The following PLXNA2 variants were observed in gnomAD, a reference collection of about 807,000 sequenced individuals.
The protein encoded by PLXNA2 is plexin A2.
In PLXNA2, 91 loss-of-function variants were observed where a neutral mutation model predicts 193.5. That is an observed-to-expected ratio of 0.47 (90% CI 0.40 to 0.56). The LOEUF is 0.56. Among genes scored for constraint, PLXNA2 ranks in the 20% least tolerant of loss-of-function variants. The pLI is 0.00. For synonymous variants in PLXNA2, 997 were observed against 1,027.3 expected (o/e 0.97, Z 0.56); for missense variants, 1,995 against 2,503.2 (o/e 0.80, Z 4.33).
At chr1:208,203,408 C>A (rs899600618) in intron 3 of PLXNA2, among the ~76,000 whole-genome samples, 1 of 152,156 alleles carries the variant, frequency 6.6e-6, no homozygotes, top group African/African-American at 2.4e-5. Flanking sequence ...ATCAGATGGG[C>A]GGTCTCAGGT....
At chr1:208,051,574 G>T (rs77558262) in intron 15 of PLXNA2, 151 bp from the exon 16 acceptor site, 2 of 628,614 alleles carry the variant, frequency 3.2e-6, no homozygotes, top group African/African-American at 1.9e-5. Context: ...AACACATCCC[G>T]CATCAGTATA....
chr1:208,031,971 T>C (rs1456927448), intron 28 of PLXNA2: 11 of 984,706 alleles, frequency 1.1e-5, no homozygotes. Flanking sequence ...GAAGAATCTC[T>C]CCTCCAACCT....
chr1:208,211,658 A>C (rs1433451579), intron 2 of PLXNA2, among the ~76,000 whole-genome samples: 1 of 149,368 alleles, frequency 6.7e-6, no homozygotes, highest in Non-Finnish European at 1.5e-5. Context: ...GCGCCACTGC[A>C]CTCCAGCCTG....
intron 5 of PLXNA2, among the ~76,000 whole-genome samples, chr1:208,100,485 T>C (rs572157812): frequency 8.5e-5 from 13 of 152,158 alleles, no homozygotes; most frequent in Middle Eastern, 6.8e-3. Context: ...GCCCTTATAA[T>C]ATTAATATTA....
intron 12 of PLXNA2, among the ~76,000 whole-genome samples, chr1:208,070,753 T>C (rs1665951839): frequency 6.6e-6 from 1 of 152,240 alleles, no homozygotes; most frequent in Non-Finnish European, 1.5e-5. Flanking sequence ...CTAATGACAA[T>C]ACTAACTTCT....
At chr1:208,041,535 A>T (rs1664869062) in intron 22 of PLXNA2, among the ~76,000 whole-genome samples, 1 of 152,192 alleles carries the variant, frequency 6.6e-6, no homozygotes, top group South Asian at 2.1e-4. Flanking sequence ...CTTCTGCGAT[A>T]ATGGGAATGT....
intron 4 of PLXNA2, among the ~76,000 whole-genome samples, chr1:208,135,894 C>T (rs935419528): frequency 1.4e-4 from 21 of 152,158 alleles, no homozygotes; most frequent in Middle Eastern, 3.2e-3. Context: ...AGACCGACTG[C>T]GTGACTGCCA....
At chr1:208,136,622 C>T (rs528103939) in intron 4 of PLXNA2, among the ~76,000 whole-genome samples, 48 of 152,254 alleles carry the variant, frequency 3.2e-4, no homozygotes, top group African/African-American at 1.1e-3. Flanking sequence ...TTGAGGGGAG[C>T]GGGACTGTTT....
At chr1:208,199,836 G>C (rs1222223023) in intron 3 of PLXNA2, among the ~76,000 whole-genome samples, 2 of 152,200 alleles carry the variant, frequency 1.3e-5, no homozygotes, top group Non-Finnish European at 2.9e-5. Flanking sequence ...CTAGGCCTCA[G>C]CTAACTCATT....
At chr1:208,130,708 G>A (rs3811390) in intron 4 of PLXNA2, among the ~76,000 whole-genome samples, 11,437 of 151,956 alleles carry the variant, frequency 0.075, 523 homozygotes, top group East Asian at 0.16. Context: ...ACTCCTCCCC[G>A]GCCACTCTCC....
intron 12 of PLXNA2, among the ~76,000 whole-genome samples, chr1:208,071,953 CCAAA>C (rs1227018755): frequency 6.6e-6 from 1 of 152,134 alleles, no homozygotes; most frequent in African/African-American, 2.4e-5. Context: ...CCACAGTTTC[CCAAA>C]CAGTTTCACA....
intron 3 of PLXNA2, among the ~76,000 whole-genome samples, chr1:208,194,978 C>T (rs1211102638): frequency 6.6e-6 from 1 of 152,126 alleles, no homozygotes; most frequent in Non-Finnish European, 1.5e-5. Flanking sequence ...AGAGTCCACG[C>T]TGAAGTTTTA....
chr1:208,184,233 G>A (rs1042584914), intron 3 of PLXNA2, among the ~76,000 whole-genome samples: 1 of 152,094 alleles, frequency 6.6e-6, no homozygotes, highest in Non-Finnish European at 1.5e-5. Flanking sequence ...GGGAAGGGAC[G>A]GGTAAGAATG....
intron 3 of PLXNA2, among the ~76,000 whole-genome samples, chr1:208,157,853 G>A (rs1668985861): frequency 6.6e-6 from 1 of 152,190 alleles, no homozygotes; most frequent in South Asian, 2.1e-4. Flanking sequence ...TGCTTTTCTG[G>A]CCAAGAGATT....
chr1:208,219,945 C>G (rs765379409), intron 1 of PLXNA2, among the ~76,000 whole-genome samples: 3 of 152,182 alleles, frequency 2.0e-5, no homozygotes, highest in Non-Finnish European at 2.9e-5. Context: ...GTCCTGAGGC[C>G]GGTAGCAGGA....
chr1:208,209,600 G>T (rs1207044735), intron 3 of PLXNA2, among the ~76,000 whole-genome samples: 1 of 152,182 alleles, frequency 6.6e-6, no homozygotes, highest in African/African-American at 2.4e-5. Flanking sequence ...TGCACAAGAG[G>T]CCTCCCATGC....
chr1:208,177,403 G>T (rs1669690852), intron 3 of PLXNA2, among the ~76,000 whole-genome samples: 1 of 152,092 alleles, frequency 6.6e-6, no homozygotes, highest in Non-Finnish European at 1.5e-5. Context: ...CTGTGTCTCT[G>T]TTGCTTCATT....
At chr1:208,196,717 G>A (rs764223914) in intron 3 of PLXNA2, among the ~76,000 whole-genome samples, 1 of 152,174 alleles carries the variant, frequency 6.6e-6, no homozygotes, top group Non-Finnish European at 1.5e-5. Context: ...TAGCGGGTGG[G>A]GAGAAAAAGA....
At chr1:208,199,671 C>T (rs554625992) in intron 3 of PLXNA2, among the ~76,000 whole-genome samples, 1 of 144,276 alleles carries the variant, frequency 6.9e-6, no homozygotes, top group Non-Finnish European at 1.5e-5. Flanking sequence ...AGCCTGGTGA[C>T]AAAGTGAGAC....
Sources: allele counts gnomAD v4.1 joint callset (sites outside exome capture counted in the v4.1 genomes callset), GRCh38; gene constraint gnomAD v4.1.1; transcripts MANE v1.5; gene names NCBI Gene and HGNC (gene_info 2026-07-23, HGNC 2026-07-21).